L3MBTL3: variants seen among roughly 807,000 people sequenced by gnomAD.
The protein encoded by L3MBTL3 is L3MBTL histone methyl-lysine binding protein 3.
L3MBTL3 carries 27 observed loss-of-function variants against 102.3 expected under a neutral mutation model. That is an observed-to-expected ratio of 0.26 (90% CI 0.19 to 0.36). The LOEUF (loss-of-function observed/expected upper bound fraction) is 0.36. L3MBTL3 is among the 10% of genes least tolerant of loss of function. The probability of loss-of-function intolerance (pLI) is 1.00; values close to 1 mark genes in which losing one functional copy is unlikely to be tolerated. For synonymous variants in L3MBTL3, 340 were observed against 320.9 expected (o/e 1.06, Z -0.64); for missense variants, 798 against 955.3 (o/e 0.84, Z 2.17).
intron 2 of L3MBTL3, among the ~76,000 whole-genome samples, chr6:130,027,339 G>A (rs532919982): frequency 2.3e-4 from 35 of 152,204 alleles, no homozygotes; most frequent in Non-Finnish European, 2.6e-4. Context: ...TAAATTTTGT[G>A]GAATTAAGCT....
At chr6:130,062,555 AT>A (rs1175015608) in intron 10 of L3MBTL3, among the ~76,000 whole-genome samples, 387 of 124,210 alleles carry the variant, frequency 3.1e-3, no homozygotes, top group Middle Eastern at 8.5e-3. Context: ...GCCCAGCTAA[AT>A]TTTTTTTTTT....
intron 8 of L3MBTL3, among the ~76,000 whole-genome samples, chr6:130,055,989 G>A (rs1043968552): frequency 2.7e-5 from 4 of 147,986 alleles, no homozygotes; most frequent in Non-Finnish European, 5.9e-5. Context: ...GTATGGTGGC[G>A]CAATCTCGGC....
rs1226044099 is a variant in L3MBTL3, at chr6:130,140,470, A to G, written c.*717A>G. On this transcript the variant is annotated 3_prime_UTR_variant, in exon 23 of 23. Transcript: ENST00000361794. ...ATAAAAGAATGAAATTGAAAAATAA[A>G]ATATATAAACATAAATAAATTAGGT... is the stretch of plus-strand genomic sequence containing the variant. 2.0e-5 allele frequency: 3 copies of G among 152,684 alleles called. No homozygotes were observed. Among genetic ancestry groups the G allele is most frequent in the African/African-American group, 7.2e-5 (3 of 41,468 alleles). 9.5% of individuals were successfully genotyped at this position (152,684 alleles called of 1,614,324 possible).
At chr6:130,056,091 C>G (rs1562271649) in intron 8 of L3MBTL3, among the ~76,000 whole-genome samples, 1 of 152,042 alleles carries the variant, frequency 6.6e-6, no homozygotes. Context: ...CCAAGCCTGG[C>G]TAATTTTTGT....
chr6:130,037,183 A>G (rs188279360), intron 2 of L3MBTL3, among the ~76,000 whole-genome samples: 4 of 152,328 alleles, frequency 2.6e-5, no homozygotes, highest in Non-Finnish European at 2.9e-5. Context: ...AACAAATGCT[A>G]TTATCAAATG....
At chr6:130,075,737 GGA>G (rs1204840273) in intron 13 of L3MBTL3, among the ~76,000 whole-genome samples, 1 of 152,098 alleles carries the variant, frequency 6.6e-6, no homozygotes, top group Non-Finnish European at 1.5e-5. Context: ...CACTGTGGAG[GGA>G]GAGAGTGGAG....
chr6:130,123,981 G>C (rs547856444), intron 20 of L3MBTL3, among the ~76,000 whole-genome samples: 1 of 152,130 alleles, frequency 6.6e-6, no homozygotes, highest in Admixed American at 6.6e-5. Context: ...TGTGCAAAAG[G>C]TTTGTTAGTG....
intron 1 of L3MBTL3, among the ~76,000 whole-genome samples, chr6:130,020,834 C>G (rs1292076473): frequency 6.6e-6 from 1 of 151,682 alleles, no homozygotes; most frequent in Non-Finnish European, 1.5e-5. Flanking sequence ...TCACCGCCCC[C>G]ACCCCCAACG....
intron 20 of L3MBTL3, among the ~76,000 whole-genome samples, chr6:130,130,257 AC>A (rs1786914668): frequency 6.6e-6 from 1 of 152,226 alleles, no homozygotes; most frequent in African/African-American, 2.4e-5. Context: ...TGTGACTAAT[AC>A]AGCTTTTAGC....
At chr6:130,066,602 T>C in intron 11 of L3MBTL3, 114 bp downstream of exon 11, 1 of 889,810 alleles carries the variant, frequency 1.1e-6, no homozygotes, top group Non-Finnish European at 1.7e-6. Flanking sequence ...GGCACAAATT[T>C]AACCTTATTG....
At chr6:130,069,765 A>G (rs1044175890) in intron 12 of L3MBTL3, among the ~76,000 whole-genome samples, 2 of 152,224 alleles carry the variant, frequency 1.3e-5, no homozygotes, top group Admixed American at 6.5e-5. Context: ...CCTAAATTCT[A>G]TGCATTGCCA....
intron 22 of L3MBTL3, chr6:130,137,818 C>T (rs1260876099): frequency 6.6e-6 from 1 of 152,204 alleles, no homozygotes; most frequent in Non-Finnish European, 1.5e-5. Context: ...CTAAGGTCTG[C>T]CTTGGTTGAG....
chr6:130,044,568 G>A (rs1780615363), intron 3 of L3MBTL3, among the ~76,000 whole-genome samples: 1 of 152,104 alleles, frequency 6.6e-6, no homozygotes, highest in Admixed American at 6.5e-5. Flanking sequence ...AGGTAATTAA[G>A]CCATTTAGTG....
chr6:130,085,673 A>T (rs1562297674), intron 15 of L3MBTL3, among the ~76,000 whole-genome samples: 2 of 152,196 alleles, frequency 1.3e-5, no homozygotes, highest in Non-Finnish European at 2.9e-5. Context: ...TTCTTTATTT[A>T]AAAAATGACA....
rs1451861531 is a variant in L3MBTL3 at position 130,140,533 on chromosome 6, T to G, written c.*780T>G. On this transcript the variant is annotated 3_prime_UTR_variant, in exon 23 of 23. Transcript: ENST00000361794. ...GTGGCATCAGTCTCACTCATCTTGG[T>G]GCCCCGGTGTTTACAAGAGCCAGAT... The G allele has an allele frequency of 6.6e-6, 1 of 152,314 alleles. No individual in the cohort carries two copies. Among genetic ancestry groups the G allele is most frequent in the Non-Finnish European group, 1.5e-5 (1 of 68,042 alleles). The allele number at this position is 152,314 out of a possible 1,614,324, so 9.4% of individuals were successfully genotyped here.
At chr6:130,106,819 A>G (rs894307537) in intron 19 of L3MBTL3, among the ~76,000 whole-genome samples, 14 of 152,172 alleles carry the variant, frequency 9.2e-5, no homozygotes, top group Admixed American at 6.5e-5. Context: ...GTGTAACCCA[A>G]GGCTGGAAAC....
intron 5 of L3MBTL3, among the ~76,000 whole-genome samples, chr6:130,050,887 A>G (rs1781052872): frequency 6.6e-6 from 1 of 152,250 alleles, no homozygotes; most frequent in Non-Finnish European, 1.5e-5. Context: ...GTGAAATAAA[A>G]GAAGATCCTC....
intron 20 of L3MBTL3, among the ~76,000 whole-genome samples, chr6:130,125,407 G>T (rs1354527572): frequency 1.3e-5 from 2 of 151,904 alleles, no homozygotes; most frequent in Non-Finnish European, 2.9e-5. Context: ...CATTGCTAAC[G>T]TCATGAAACT....
chr6:130,117,256 AATG>A (rs1165426421), intron 19 of L3MBTL3, among the ~76,000 whole-genome samples: 1 of 147,590 alleles, frequency 6.8e-6, no homozygotes, highest in Non-Finnish European at 1.5e-5. Flanking sequence ...GTTTACTGAG[AATG>A]ATGATTTCCA....
Sources: allele counts gnomAD v4.1 joint callset (sites outside exome capture counted in the v4.1 genomes callset), GRCh38; gene constraint gnomAD v4.1.1; transcripts MANE v1.5; gene names NCBI Gene and HGNC (gene_info 2026-07-23, HGNC 2026-07-21).